Variants in RASGRP3 observed in about 807,000 individuals in gnomAD.
RASGRP3 encodes RAS guanyl releasing protein 3.
RASGRP3 carries 54 observed loss-of-function variants against 82.7 expected under a neutral mutation model. That is an observed-to-expected ratio of 0.65 (90% CI 0.52 to 0.82). The LOEUF (loss-of-function observed/expected upper bound fraction) is 0.82, where lower values mean the gene tolerates loss of function less well. Among genes scored for constraint, RASGRP3 ranks in the 40% least tolerant of loss-of-function variants. The pLI, the probability that RASGRP3 is intolerant of heterozygous loss-of-function variation, is 0.00. For missense variants in RASGRP3, 861 were observed against 828.9 expected (o/e 1.04, Z -0.48); for synonymous variants, 309 against 300.5 (o/e 1.03, Z -0.29).
intron 12 of RASGRP3, chr2:33,539,812 C>T (rs1001451839): frequency 4.6e-5 from 7 of 152,076 alleles, no homozygotes; most frequent in Admixed American, 3.3e-4. Context: ...CACGGTGAAA[C>T]CCTGTCCCTA....
chr2:33,482,571 A>C (rs528577099), intron 1 of RASGRP3: 2 of 152,236 alleles, frequency 1.3e-5, no homozygotes, highest in African/African-American at 2.4e-5. Flanking sequence ...AGTGCATTCT[A>C]ACTACCATGA....
chr2:33,515,071 T>A lies in RASGRP3; in HGVS notation c.-66T>A. ...TAGGCACTAACATCGCTGACTTGCA[T>A]GATTATGGAGATGGTCTATCTGATG... On this transcript the variant is annotated 5_prime_UTR_variant, in exon 3 of 18. An upstream start codon of the reference 5' UTR is lost. Coordinates refer to ENST00000403687, the MANE Select transcript of RASGRP3 (RefSeq NM_001139488.2). 6.8e-7 allele frequency: 1 copy of A among 1,479,204 alleles called. No homozygotes were observed. Among genetic ancestry groups the A allele is most frequent in the African/African-American group, 1.4e-5 (1 of 72,190 alleles). The allele number at this position is 1,479,204 out of a possible 1,614,324, so 91.6% of individuals were successfully genotyped here.
intron 1 of RASGRP3, among the ~76,000 whole-genome samples, chr2:33,490,090 T>A (rs1668721750): frequency 6.6e-6 from 1 of 152,226 alleles, no homozygotes; most frequent in African/African-American, 2.4e-5. Context: ...TTATCCATGT[T>A]TGTAACCATG....
intron 1 of RASGRP3, among the ~76,000 whole-genome samples, chr2:33,486,964 A>G (rs62147155): frequency 0.056 from 8,517 of 152,254 alleles, 263 homozygotes; most frequent in South Asian, 0.11. Flanking sequence ...AATTTCAACC[A>G]TATATAAAAA....
intron 1 of RASGRP3, among the ~76,000 whole-genome samples, chr2:33,495,900 G>C (rs1162294717): frequency 1.3e-5 from 2 of 152,200 alleles, no homozygotes; most frequent in Non-Finnish European, 2.9e-5. Flanking sequence ...CTGGGAGTCA[G>C]TCAGTTGCTG....
chr2:33,452,041 CTA>C (rs1166826388), intron 2 of RASGRP3, among the ~76,000 whole-genome samples: 1 of 152,066 alleles, frequency 6.6e-6, no homozygotes, highest in Non-Finnish European at 1.5e-5. Context: ...AGTTCCATCA[CTA>C]TGTTCTTTAG....
intron 1 of RASGRP3, among the ~76,000 whole-genome samples, chr2:33,485,271 A>G (rs1668276231): frequency 1.3e-5 from 2 of 152,214 alleles, no homozygotes; most frequent in African/African-American, 2.4e-5. Flanking sequence ...TTGTCATGCA[A>G]TTGACATTAT....
At chr2:33,552,621 C>T (rs530461395) in intron 14 of RASGRP3, among the ~76,000 whole-genome samples, 36 of 152,268 alleles carry the variant, frequency 2.4e-4, no homozygotes, top group African/African-American at 6.5e-4. Context: ...AGAATGGTTC[C>T]AGTGCCGGAA....
At chr2:33,526,992 C>T in intron 9 of RASGRP3, 145 bp from the exon 10 acceptor site, 1 of 861,378 alleles carries the variant, frequency 1.2e-6, no homozygotes, top group Non-Finnish European at 1.7e-6. Flanking sequence ...CTTTCTTTTT[C>T]CTGATTCATA....
intron 10 of RASGRP3, chr2:33,533,239 T>G (rs1673271432): frequency 6.6e-6 from 1 of 152,120 alleles, no homozygotes; most frequent in East Asian, 1.9e-4. Flanking sequence ...CTTTACAGAG[T>G]TTATCCATGT....
At chr2:33,473,861 C>G (rs1186893509), upstream of RASGRP3, among the ~76,000 whole-genome samples, 1 of 152,142 alleles carries the variant, frequency 6.6e-6, no homozygotes, top group Middle Eastern at 3.2e-3. Flanking sequence ...TCATGGAAGA[C>G]AATTTTTCCA....
chr2:33,492,327 C>T (rs1008752698), intron 1 of RASGRP3, among the ~76,000 whole-genome samples: 4 of 152,078 alleles, frequency 2.6e-5, no homozygotes, highest in African/African-American at 4.8e-5. Context: ...TGCTTCGAGC[C>T]CCCAAGGAAG....
At chr2:33,449,308 C>A (rs1665662220) in intron 2 of RASGRP3, among the ~76,000 whole-genome samples, 2 of 152,172 alleles carry the variant, frequency 1.3e-5, no homozygotes, top group African/African-American at 4.8e-5. Context: ...TTTTTCTCAA[C>A]CAACCTTTCG....
upstream of RASGRP3, among the ~76,000 whole-genome samples, chr2:33,473,488 G>A (rs765248437): frequency 1.2e-4 from 19 of 152,222 alleles, no homozygotes; most frequent in East Asian, 1.9e-4. Context: ...AAGAGAAGGC[G>A]TGGTTGTTGT....
At chr2:33,491,308 C>T (rs1160926016) in intron 1 of RASGRP3, among the ~76,000 whole-genome samples, 3 of 151,462 alleles carry the variant, frequency 2.0e-5, no homozygotes, top group Admixed American at 6.6e-5. Context: ...CAGAGTGAGA[C>T]TGTGTCTCAA....
chr2:33,456,273 CTT>C (rs1666030309), intron 2 of RASGRP3, among the ~76,000 whole-genome samples: 1 of 152,064 alleles, frequency 6.6e-6, no homozygotes, highest in African/African-American at 2.4e-5. Flanking sequence ...TAATGATAGT[CTT>C]TACATTTTAA....
chr2:33,452,627 C>T (rs1216087397), intron 2 of RASGRP3, among the ~76,000 whole-genome samples: 1 of 152,172 alleles, frequency 6.6e-6, no homozygotes, highest in Admixed American at 6.5e-5. Context: ...AGCCTGAGTT[C>T]ATAGAGGCCC....
chr2:33,536,322 G>GAAAAAAAAAAAAAAAATTTAAAAAAAA (rs35520392), intron 11 of RASGRP3, among the ~76,000 whole-genome samples: 1 of 127,756 alleles, frequency 7.8e-6, no homozygotes. Context: ...ATTTAAAAAA[G>GAAAAAAAAAAAAAAAATTTAAAAAAAA]AAAAAAAAAA....
At chr2:33,475,921 G>A (rs1159937758), upstream of RASGRP3, among the ~76,000 whole-genome samples, 4 of 152,220 alleles carry the variant, frequency 2.6e-5, no homozygotes, top group Non-Finnish European at 5.9e-5. Context: ...GATAATCTCA[G>A]CTGCTCGATG....
Sources: gnomAD v4.1 joint callset for allele counts (sites outside exome capture counted in the v4.1 genomes callset) on GRCh38, gnomAD v4.1.1 for gene constraint, MANE v1.5 for transcripts, NCBI Gene and HGNC (gene_info 2026-07-23, HGNC 2026-07-21) for gene names.